TNN: variants seen among roughly 807,000 people sequenced by gnomAD.
TNN encodes the protein tenascin-N.
Under a neutral mutation model 134.4 loss-of-function variants are expected in TNN, and 122 were observed. That is an observed-to-expected ratio of 0.91 (90% CI 0.78 to 1.06). TNN has a LOEUF of 1.06. Ranked by LOEUF, TNN falls within the 50% of genes least tolerant of loss-of-function variation. The pLI is 0.00. For synonymous variants in TNN, 710 were observed against 670.3 expected (o/e 1.06, Z -0.91); for missense variants, 1,739 against 1,699.4 (o/e 1.02, Z -0.41).
At chr1:175,071,915 T>C (rs1673922575) in intron 1 of TNN, among the ~76,000 whole-genome samples, 1 of 152,208 alleles carries the variant, frequency 6.6e-6, no homozygotes, top group South Asian at 2.1e-4. Flanking sequence ...AATATTACTT[T>C]GGCAGGACTG....
chr1:175,100,205 G>A (rs1185743603), intron 9 of TNN, among the ~76,000 whole-genome samples: 1 of 152,138 alleles, frequency 6.6e-6, no homozygotes, highest in African/African-American at 2.4e-5. Context: ...GCTATCTTGG[G>A]GTGGATAATT....
Position 175,117,740 on chromosome 1 carries a change from G to T in TNN, c.2386+535G>T, listed in dbSNP as rs186381970. 3.9e-5 allele frequency among the ~76,000 whole-genome samples: 6 copies of T among 152,268 alleles called. No homozygotes were observed. The East Asian group carries it at 1.2e-3, about 29-fold the overall frequency. ...AATAATGAAGTAGTGATGTTTCTCA[G>T]ATAGGAAGGGGAAATAGTAATAGGA... is the stretch of plus-strand genomic sequence containing the variant. On this transcript the variant is annotated intron_variant, in intron 10 of 18. Transcript: ENST00000239462.
intron 9 of TNN, among the ~76,000 whole-genome samples, chr1:175,102,106 T>C (rs1433765693): frequency 6.9e-6 from 1 of 145,336 alleles, no homozygotes; most frequent in African/African-American, 2.5e-5. Flanking sequence ...AGCAGCTAGA[T>C]ACAGAGTGTT....
At position 175,103,863 on chromosome 1, in the gene TNN, T is replaced by C. The variant is rs1574155229; in HGVS notation, c.2119+5268T>C. On this transcript the variant is annotated intron_variant, in intron 9 of 18. Coordinates refer to ENST00000239462, the MANE Select transcript of TNN (RefSeq NM_022093.2). ...CTTCCCATTTTGATGGCTTTGTCAG[T>C]GTAAGATTCCTACCTCTTTGTGTTT... is the stretch of plus-strand genomic sequence containing the variant. 3.4e-5 allele frequency among the ~76,000 whole-genome samples: 5 copies of C among 145,736 alleles called. 1 individual carries two copies. Among genetic ancestry groups the C allele is most frequent in the Admixed American group, 6.9e-5 (1 of 14,448 alleles).
At chr1:175,132,847 T>A (rs1254731949) in intron 15 of TNN, among the ~76,000 whole-genome samples, 1 of 152,212 alleles carries the variant, frequency 6.6e-6, no homozygotes, top group Non-Finnish European at 1.5e-5. Flanking sequence ...AAATATGCAC[T>A]CCCATGTGGA....
chr1:175,071,729 G>A (rs60274137), intron 1 of TNN, among the ~76,000 whole-genome samples: 2 of 152,138 alleles, frequency 1.3e-5, no homozygotes, highest in Non-Finnish European at 2.9e-5. Context: ...GTGTCCTTTG[G>A]CAAATTACTT....
intron 17 of TNN, among the ~76,000 whole-genome samples, chr1:175,137,755 C>T (rs973082275): frequency 2.3e-4 from 35 of 152,100 alleles, no homozygotes; most frequent in African/African-American, 7.9e-4. Flanking sequence ...TTGACATTTG[C>T]CTGTGTTTTG....
At chr1:175,139,500 G>A (rs1220129227) in intron 17 of TNN, among the ~76,000 whole-genome samples, 1 of 152,066 alleles carries the variant, frequency 6.6e-6, no homozygotes, top group Non-Finnish European at 1.5e-5. Context: ...TCCGCATCTT[G>A]TCCCGCTGGA....
intron 9 of TNN, among the ~76,000 whole-genome samples, chr1:175,101,186 G>C (rs994886878): frequency 1.4e-4 from 21 of 152,086 alleles, no homozygotes; most frequent in East Asian, 9.7e-4. Context: ...TCTGTCCCTT[G>C]TGATGTTCAG....
intron 12 of TNN, among the ~76,000 whole-genome samples, chr1:175,125,949 C>G (rs1675519240): frequency 7.5e-6 from 1 of 133,686 alleles, no homozygotes; most frequent in Non-Finnish European, 1.6e-5. Context: ...GCTTCTCTCC[C>G]TTTCTTTCTT....
Position 175,137,077 on chromosome 1 carries a change from G to A in TNN, c.3595+89G>A, listed in dbSNP as rs754806247. 5 of 1,371,312 alleles carry A rather than the reference G, an allele frequency of 3.6e-6. No individual in the cohort carries two copies. The East Asian group carries it at 9.4e-5, about 26-fold the overall frequency. 84.9% of individuals were successfully genotyped at this position (1,371,312 alleles called of 1,614,324 possible). Reference sequence around the variant, plus strand: ...CCGTGTGCCACTGATCTGGGGGATGGAATATTATTCTGTGGAGGTGAATTG... The same window carrying A: ...CCGTGTGCCACTGATCTGGGGGATGAAATATTATTCTGTGGAGGTGAATTG... On this transcript the variant is annotated intron_variant, in intron 17 of 18. Transcript: ENST00000239462.
rs551059456 is a variant in TNN at position 175,081,297 on chromosome 1, C to T, written c.1048+871C>T. Reference sequence around the variant, plus strand: ...TACTCTTTAAACATTCTTGTCTCCTCGTGAACATTCTTAAAGCAGCTTAGA... The same window carrying T: ...TACTCTTTAAACATTCTTGTCTCCTTGTGAACATTCTTAAAGCAGCTTAGA... On this transcript the variant is annotated intron_variant, in intron 4 of 18. Coordinates refer to ENST00000239462, the MANE Select transcript of TNN (RefSeq NM_022093.2). Among the ~76,000 whole-genome samples the T allele has an allele frequency of 3.3e-5, 5 of 152,346 alleles. No homozygotes were observed. In the South Asian group the frequency reaches 1.0e-3, roughly 32 times the overall value.
intron 15 of TNN, among the ~76,000 whole-genome samples, chr1:175,134,987 A>G (rs559496904): frequency 5.6e-4 from 86 of 152,278 alleles, no homozygotes; most frequent in African/African-American, 2.0e-3. Context: ...AAGGCTCACC[A>G]GGACTGACTC....
intron 9 of TNN, among the ~76,000 whole-genome samples, chr1:175,115,192 G>C (rs1405145947): frequency 6.6e-6 from 1 of 152,100 alleles, no homozygotes; most frequent in Non-Finnish European, 1.5e-5. Flanking sequence ...GCTCAGCTTG[G>C]TTGAGGCACT....
chr1:175,087,471 T>A (rs572707616), intron 6 of TNN, among the ~76,000 whole-genome samples: 1 of 152,378 alleles, frequency 6.6e-6, no homozygotes, highest in South Asian at 2.1e-4. Flanking sequence ...CTTTCAGCTT[T>A]ATTTTTTCCT....
intron 9 of TNN, among the ~76,000 whole-genome samples, chr1:175,105,924 C>T (rs1276563075): frequency 6.9e-6 from 1 of 145,852 alleles, no homozygotes; most frequent in Non-Finnish European, 1.5e-5. Context: ...CAGAAACAAC[C>T]CCTGCCCAAG....
At chr1:175,108,459 A>C (rs1420714671) in intron 9 of TNN, among the ~76,000 whole-genome samples, 1 of 152,200 alleles carries the variant, frequency 6.6e-6, no homozygotes, top group African/African-American at 2.4e-5. Context: ...ATGAGCTCGT[A>C]CTCGTCAGCC....
intron 13 of TNN, among the ~76,000 whole-genome samples, chr1:175,127,607 T>C (rs188007785): frequency 6.6e-6 from 1 of 152,368 alleles, no homozygotes; most frequent in East Asian, 1.9e-4. Context: ...AGGAAGTTTA[T>C]TGAAATATCA....
intron 6 of TNN, among the ~76,000 whole-genome samples, chr1:175,087,072 G>C (rs533753545): frequency 3.9e-4 from 60 of 152,194 alleles, no homozygotes; most frequent in Non-Finnish European, 6.9e-4. Flanking sequence ...GGATACCCAA[G>C]TCTAAACCTT....
Sources: gnomAD v4.1 joint callset for allele counts (sites outside exome capture counted in the v4.1 genomes callset) on GRCh38, gnomAD v4.1.1 for gene constraint, MANE v1.5 for transcripts, NCBI Gene and HGNC (gene_info 2026-07-23, HGNC 2026-07-21) for gene names.